The following TUB variants were observed in gnomAD, a reference collection of about 807,000 sequenced individuals.
The protein encoded by TUB is TUB bipartite transcription factor.
A neutral mutation model predicts 59.7 loss-of-function variants in TUB; 33 were observed. That is an observed-to-expected ratio of 0.55 (90% CI 0.42 to 0.74). The LOEUF (loss-of-function observed/expected upper bound fraction) is 0.74. Ranked by LOEUF, TUB falls within the 30% of genes least tolerant of loss-of-function variation. The probability of loss-of-function intolerance (pLI) is 0.00; values close to 1 mark genes in which losing one functional copy is unlikely to be tolerated. For synonymous variants in TUB, 293 were observed against 256.4 expected, an observed-to-expected ratio of 1.14 and a Z score of -1.36; for missense variants, 659 against 672.0, an observed-to-expected ratio of 0.98 and a Z score of 0.21.
chr11:8,100,741 A>AC, intron 10 of TUB, 85 bp from the exon 11 acceptor site: 10 of 1,575,560 alleles, frequency 6.3e-6, no homozygotes, highest in Non-Finnish European at 8.7e-6. Flanking sequence ...AAATCCAAGG[A>AC]CCCCCATTCC....
At position 8,096,794 on chromosome 11, in the gene TUB, G is replaced by T. The variant is rs1944013469; in HGVS notation, c.675G>T (p.Arg225Ser). ...SNTRPSSATS[R>S]KSVREAASAP... The stretch of plus-strand genomic sequence containing the variant: ...CCCGCCCCAGCTCTGCTACTAGCAG[G>T]AAGTCCGTCAGGGTGAGTGAGTGAG... Residue 225 changes from arginine to serine, a missense_variant, in exon 6 of 12, where the codon AGG becomes AGT. By Grantham distance (110) the Arg-to-Ser change is moderately radical (BLOSUM62 -1). Around this residue, in one of 3 missense-constraint regions of TUB, gnomAD observed 321 missense variants for 304.3 expected, o/e 1.05. Coordinates refer to ENST00000299506, the MANE Select transcript of TUB (RefSeq NM_177972.3). 6 of 1,614,062 alleles carry T rather than the reference G, an allele frequency of 3.7e-6. No homozygotes were observed. The highest frequency in any genetic ancestry group is 1.7e-5 in the Admixed American group (1 of 60,004).
rs545818013 is a variant in TUB, at chr11:8,098,285, G to A, written c.998+459G>A. ...GGGCAGTGGGGAGGTAGGGTTTGCT[G>A]AGGAACTGAGTACCAGATTTGGGGA... On this transcript the variant is annotated intron_variant, in intron 8 of 11. Transcript: ENST00000299506. Among the ~76,000 whole-genome samples the A allele has an allele frequency of 3.7e-4, 57 of 152,238 alleles. 1 individual carries two copies. The highest frequency in any genetic ancestry group is 1.3e-3 in the African/African-American group (55 of 41,518).
upstream of TUB, chr11:8,035,543 C>A (rs1353972505): frequency 6.6e-6 from 1 of 152,342 alleles, no homozygotes; most frequent in Non-Finnish European, 1.5e-5. Flanking sequence ...AGCAGGGGAC[C>A]CAAAGGGCCC....
chr11:8,076,669 T>G (rs1943453664), upstream of TUB: 1 of 152,220 alleles, frequency 6.6e-6, no homozygotes, highest in Admixed American at 6.5e-5. Flanking sequence ...GAGCATGCAC[T>G]CAACAAATGA....
At chr11:8,039,101 G>A in intron 1 of TUB, 1 of 1,558,708 alleles carries the variant, frequency 6.4e-7, no homozygotes, top group South Asian at 1.2e-5. Context: ...CACCCTCACT[G>A]ACCTCAACCC....
chr11:8,022,492 C>T (rs1942443982), intron 1 of TUB, among the ~76,000 whole-genome samples: 1 of 152,152 alleles, frequency 6.6e-6, no homozygotes, highest in African/African-American at 2.4e-5. Context: ...ACCTCTCCTC[C>T]GTGTGTTTAT....
chr11:8,037,998 C>T (rs1942676231), upstream of TUB, among the ~76,000 whole-genome samples: 1 of 152,092 alleles, frequency 6.6e-6, no homozygotes, highest in African/African-American at 2.4e-5. Flanking sequence ...GAGAGATGCT[C>T]AGTAGATGGC....
intron 10 of TUB, 55 bp from the exon 11 acceptor site, chr11:8,100,771 G>A (rs181840114): frequency 5.6e-6 from 9 of 1,603,050 alleles, no homozygotes; most frequent in East Asian, 4.5e-5. Context: ...TCCCTTTCTG[G>A]GGTGGTCATG....
intron 1 of TUB, among the ~76,000 whole-genome samples, chr11:8,029,435 C>T (rs967801730): frequency 3.5e-5 from 5 of 142,578 alleles, no homozygotes; most frequent in Admixed American, 1.5e-4. Flanking sequence ...TTCTCCCAGG[C>T]TGGAGTGCAG....
upstream of TUB, among the ~76,000 whole-genome samples, chr11:8,038,296 CT>C (rs1049991158): frequency 9.9e-5 from 15 of 152,100 alleles, no homozygotes; most frequent in Admixed American, 8.5e-4. Context: ...GAGATGAAGC[CT>C]TGTGAGTGGA....
chr11:8,025,108 G>A (rs1942483324), intron 1 of TUB, among the ~76,000 whole-genome samples: 2 of 152,214 alleles, frequency 1.3e-5, no homozygotes, highest in African/African-American at 4.8e-5. Flanking sequence ...AAAGTCTGTG[G>A]TCTCGTAGTT....
chr11:8,074,789 G>T lies in TUB; in HGVS notation c.204-14821G>T, dbSNP rs141123213. 8.5e-4 allele frequency among the ~76,000 whole-genome samples: 109 copies of T among 127,840 alleles called. 1 individual carries two copies. Among genetic ancestry groups the T allele is most frequent in the Admixed American group, 4.1e-3 (43 of 10,526 alleles). The allele number at this position is 127,840 out of a possible 152,430, so 83.9% of individuals were successfully genotyped here. ...TGAGACGGAGTCTCGCTCTGTCACC[G>T]AGACTGGAGTGCAGTGGCACAATCT... On this transcript the variant is annotated intron_variant, in intron 2 of 12. Coordinates refer to the TUB transcript ENST00000305253.
intron 2 of TUB, chr11:8,067,986 A>T (rs1311342198): frequency 6.6e-6 from 1 of 152,284 alleles, no homozygotes; most frequent in Non-Finnish European, 1.5e-5. Context: ...TTCCTCCAAC[A>T]TGCAGCTCTT....
intron 3 of TUB, among the ~76,000 whole-genome samples, chr11:8,093,726 CCT>C (rs1383270883): frequency 3.3e-5 from 5 of 152,202 alleles, no homozygotes; most frequent in South Asian, 2.1e-4. Context: ...TCTCCCTGCC[CCT>C]GTTCAGGCTC....
intron 4 of TUB, among the ~76,000 whole-genome samples, chr11:8,094,678 C>T (rs946303634): frequency 6.6e-6 from 1 of 152,200 alleles, no homozygotes; most frequent in Non-Finnish European, 1.5e-5. Flanking sequence ...CAGCCTGTTC[C>T]CTCTGCTCCT....
At chr11:8,053,243 A>G (rs1942962017) in intron 2 of TUB, among the ~76,000 whole-genome samples, 2 of 152,130 alleles carry the variant, frequency 1.3e-5, no homozygotes, top group South Asian at 2.1e-4. Context: ...TGAGCTCTAT[A>G]TGGTGCATGT....
chr11:8,081,320 C>A lies in TUB; in HGVS notation c.-191C>A. The A allele has an allele frequency of 2.1e-6, 2 of 967,466 alleles. No homozygotes were observed. The highest frequency in any genetic ancestry group is 4.7e-5 in the South Asian group (1 of 21,124). The allele number at this position is 967,466 out of a possible 1,614,324, so 59.9% of individuals were successfully genotyped here. On this transcript the variant is annotated 5_prime_UTR_variant, in exon 1 of 12. Transcript: ENST00000299506. ...GAGCTTCGCCCATCTCGCCTCGCCGCGCCGCGCAGGCAGCCGCTCGCAGAG... is the reference window on the plus strand; with the variant it reads ...GAGCTTCGCCCATCTCGCCTCGCCGAGCCGCGCAGGCAGCCGCTCGCAGAG...
intron 2 of TUB, chr11:8,039,754 AG>A: frequency 1.4e-6 from 2 of 1,391,946 alleles, no homozygotes; most frequent in Non-Finnish European, 1.9e-6. Flanking sequence ...GGAGACTGTG[AG>A]GGAGGTGGGC....
At position 8,097,465 on chromosome 11, in the gene TUB, G is replaced by A. The variant is rs758377963; in HGVS notation, c.885+40G>A. ...GGCATGTTATCATCTAGGCTTTACA[G>A]CCCTTTGAAATCCTAGGGGCTGAAA... On this transcript the variant is annotated intron_variant, in intron 7 of 11. Transcript: ENST00000299506. 4 of 1,612,860 alleles carry A rather than the reference G, an allele frequency of 2.5e-6. No homozygotes were observed. The South Asian group carries it at 3.3e-5, about 13-fold the overall frequency.
Sources: gnomAD v4.1 joint callset for allele counts (sites outside exome capture counted in the v4.1 genomes callset) on GRCh38, gnomAD v4.1.1 for gene constraint, gnomAD v4.1.1 regional missense constraint, MANE v1.5 for transcripts, NCBI Gene and HGNC (gene_info 2026-07-23, HGNC 2026-07-21) for gene names.